The following UBR1 variants were observed in gnomAD, a reference collection of about 807,000 sequenced individuals.
UBR1 encodes the protein E3 ubiquitin-protein ligase UBR1.
UBR1 carries 102 observed loss-of-function variants against 242.1 expected under a neutral mutation model. The ratio of observed to expected loss-of-function variants is 0.42; its 90% confidence interval spans 0.36 to 0.50. The LOEUF (loss-of-function observed/expected upper bound fraction) is 0.50. Ranked by LOEUF, UBR1 falls within the 20% of genes least tolerant of loss-of-function variation. UBR1 has a pLI of 0.01. For synonymous variants in UBR1, 675 were observed against 684.8 expected, an observed-to-expected ratio of 0.99 and a Z score of 0.22; for missense variants, 1,772 against 2,101.8, an observed-to-expected ratio of 0.84 and a Z score of 3.07.
chr15:42,999,199 A>G (rs1025363364), intron 32 of UBR1, among the ~76,000 whole-genome samples: 12 of 152,072 alleles, frequency 7.9e-5, no homozygotes, highest in African/African-American at 2.9e-4. Flanking sequence ...TCAGCCTCCC[A>G]AAGTGCTGGG....
intron 3 of UBR1, among the ~76,000 whole-genome samples, chr15:43,077,684 AAAAAT>A (rs1443938920): frequency 6.6e-6 from 1 of 150,840 alleles, no homozygotes; most frequent in African/African-American, 2.4e-5. Context: ...AAATAAAAAT[AAAAAT>A]AAAATAAAAA....
Position 43,036,575 on chromosome 15 carries a change from C to T in UBR1, c.2041G>A (p.Val681Ile). ...TCATACATTTCTTCTCTGCACTTAA[C>T]ATCTTGGTAATAAAACACCTATAAG... is the stretch of plus-strand genomic sequence containing the variant. ...LISQVFYYQD[V>I]KCREEMYDKD... Residue 681 changes from valine to isoleucine, a missense_variant, in exon 18 of 47, where the codon GTT (valine) becomes ATT (isoleucine). Physicochemically the swap from Val to Ile is conservative, Grantham distance 29. Transcript: ENST00000290650. 1 of 1,592,270 alleles carries T rather than the reference C, an allele frequency of 6.3e-7. No individual in the cohort carries two copies. Among genetic ancestry groups the T allele is most frequent in the Non-Finnish European group, 8.6e-7 (1 of 1,160,584 alleles).
rs1346366668 is a variant in UBR1 at position 43,026,550 on chromosome 15, C to A, written c.2535+11G>T. 2.5e-6 allele frequency: 4 copies of A among 1,610,008 alleles called. No individual in the cohort carries two copies. The highest frequency in any genetic ancestry group is 2.5e-6 in the Non-Finnish European group (3 of 1,177,028). On this transcript the variant is annotated intron_variant, in intron 23 of 46. Coordinates refer to ENST00000290650, the MANE Select transcript of UBR1 (RefSeq NM_174916.3). ...TTAGGTTTATTTACTGAAAAGGATA[C>A]TTTTTTCTACCTTGCTATGCTGGGT...
At chr15:43,014,038 C>T (rs2032968744) in intron 29 of UBR1, among the ~76,000 whole-genome samples, 3 of 152,264 alleles carry the variant, frequency 2.0e-5, no homozygotes, top group Non-Finnish European at 2.9e-5. Context: ...CACGCTGCCA[C>T]GCCTGACTGG....
At position 42,976,729 on chromosome 15, in the gene UBR1, T is replaced by C; in HGVS notation, c.4357A>G (p.Thr1453Ala). 6.2e-7 allele frequency: 1 copy of C among 1,614,060 alleles called. No individual in the cohort carries two copies. The change falls in exon 39 of 47, where the codon ACA becomes GCA. Residue 1453 changes from threonine (T) to alanine (A), a missense_variant. By Grantham distance (58) the Thr-to-Ala change is moderately conservative. Transcript: ENST00000290650. ...ATGAAAACCTTACCTGTGTCTACTG[T>C]AAGTAGTATCTGAAGCATGTGTGCC... is the stretch of plus-strand genomic sequence containing the variant. ...TMAHMLQILL[T>A]VDTGLPLAQV...
intron 1 of UBR1, among the ~76,000 whole-genome samples, chr15:43,103,496 G>GA (rs768224681): frequency 1.3e-5 from 2 of 152,220 alleles, no homozygotes; most frequent in Non-Finnish European, 2.9e-5. Flanking sequence ...ACATGCTTGT[G>GA]AAAATGCAGA....
intron 33 of UBR1, among the ~76,000 whole-genome samples, chr15:42,990,556 G>A (rs2032540173): frequency 6.6e-6 from 1 of 152,060 alleles, no homozygotes; most frequent in African/African-American, 2.4e-5. Flanking sequence ...CTGAAGTTTC[G>A]CCATCCAGAT....
At chr15:43,047,348 T>C (rs2033498984) in intron 13 of UBR1, 59 bp from the exon 14 acceptor site, 3 of 1,612,138 alleles carry the variant, frequency 1.9e-6, no homozygotes. Context: ...TGCTCTGCTC[T>C]TGGCAAAATA....
intron 27 of UBR1, 76 bp from the exon 28 acceptor site, chr15:43,017,257 C>T: frequency 9.9e-7 from 1 of 1,006,450 alleles, no homozygotes; most frequent in Admixed American, 1.9e-5. Context: ...ATTCACTAAT[C>T]TGATTTTGGC....
At chr15:43,092,015 G>C in intron 1 of UBR1, 1 of 454,044 alleles carries the variant, frequency 2.2e-6, no homozygotes, top group Non-Finnish European at 4.4e-6. Context: ...GAGTCAGAGA[G>C]GGAGAGGTCA....
chr15:43,098,007 C>T (rs2034181269), intron 1 of UBR1, among the ~76,000 whole-genome samples: 1 of 152,200 alleles, frequency 6.6e-6, no homozygotes, highest in Admixed American at 6.5e-5. Context: ...AACAGCCTTC[C>T]TCACTAAGCT....
chr15:43,014,989 G>A (rs189014344), intron 29 of UBR1, among the ~76,000 whole-genome samples: 92 of 149,182 alleles, frequency 6.2e-4, no homozygotes, highest in African/African-American at 2.2e-3. Context: ...GTCAGCCCCC[G>A]CCCGGCCAGA....
intron 21 of UBR1, 107 bp downstream of exon 21, chr15:43,029,837 T>C (rs754465462): frequency 6.2e-6 from 8 of 1,290,086 alleles, no homozygotes; most frequent in Non-Finnish European, 8.9e-6. Flanking sequence ...TATAAGGTAA[T>C]GATATAGGAC....
chr15:43,101,596 G>T (rs963799634), intron 1 of UBR1, among the ~76,000 whole-genome samples: 1 of 152,114 alleles, frequency 6.6e-6, no homozygotes, highest in Non-Finnish European at 1.5e-5. Context: ...TGGGGAGGCC[G>T]AGGTGGGTGG....
intron 11 of UBR1, among the ~76,000 whole-genome samples, chr15:43,055,298 A>T (rs2033603198): frequency 6.6e-6 from 1 of 152,154 alleles, no homozygotes; most frequent in African/African-American, 2.4e-5. Context: ...TACAAAAATT[A>T]GCCAGGTGTG....
intron 33 of UBR1, among the ~76,000 whole-genome samples, chr15:42,995,611 T>A (rs2032626026): frequency 6.6e-6 from 1 of 151,946 alleles, no homozygotes; most frequent in South Asian, 2.1e-4. Flanking sequence ...GAGCTTGCAG[T>A]GAGCCGAGAT....
intron 32 of UBR1, among the ~76,000 whole-genome samples, chr15:42,998,967 T>G (rs1229782434): frequency 7.0e-6 from 1 of 142,136 alleles, no homozygotes; most frequent in African/African-American, 2.5e-5. Context: ...AGATGGAGTC[T>G]CACTCTGTCG....
rs13379507 is a variant in UBR1, at chr15:43,068,276, C to T, written c.660-240G>A. On this transcript the variant is annotated intron_variant, in intron 5 of 46. Transcript: ENST00000290650. ...CAACCTCGACTCACTGCAACCACTCCCTTCCAGGCTCAAGCAATCCTCCCA... is the reference window on the plus strand; with the variant it reads ...CAACCTCGACTCACTGCAACCACTCTCTTCCAGGCTCAAGCAATCCTCCCA... Among the ~76,000 whole-genome samples the T allele has an allele frequency of 9.2e-3, 1,384 of 150,230 alleles. 28 individuals carry two copies. Among genetic ancestry groups the T allele is most frequent in the African/African-American group, 0.033 (1,339 of 40,788 alleles).
intron 1 of UBR1, among the ~76,000 whole-genome samples, chr15:43,103,434 C>T (rs2034262290): frequency 6.6e-6 from 1 of 152,194 alleles, no homozygotes; most frequent in Non-Finnish European, 1.5e-5. Flanking sequence ...AAATACCTAG[C>T]TAAGTGTTAC....
Sources: gnomAD v4.1 joint callset for allele counts (sites outside exome capture counted in the v4.1 genomes callset) on GRCh38, gnomAD v4.1.1 for gene constraint, MANE v1.5 for transcripts, NCBI Gene and HGNC (gene_info 2026-07-23, HGNC 2026-07-21) for gene names.